USP32: variants seen among roughly 807,000 people sequenced by gnomAD.
USP32 encodes the protein ubiquitin specific peptidase 32, also known as ubiquitin carboxyl-terminal hydrolase 32.
USP32 carries 59 observed loss-of-function variants against 204.8 expected under a neutral mutation model. The observed-to-expected ratio is 0.29, with a 90% CI of 0.23 to 0.36. The LOEUF is 0.36. Among genes scored for constraint, USP32 ranks in the 10% least tolerant of loss-of-function variants. The pLI, the probability that USP32 is intolerant of heterozygous loss-of-function variation, is 1.00. For missense variants in USP32, 1,160 were observed against 1,946.4 expected, an observed-to-expected ratio of 0.60 and a Z score of 7.60; for synonymous variants, 517 against 678.4, an observed-to-expected ratio of 0.76 and a Z score of 3.70.
intron 9 of USP32, among the ~76,000 whole-genome samples, chr17:60,264,524 A>C (rs1016305302): frequency 1.4e-4 from 21 of 148,646 alleles, no homozygotes; most frequent in African/African-American, 5.2e-4. Context: ...CCAAAAAAAC[A>C]AACAGACAAA....
intron 11 of USP32, among the ~76,000 whole-genome samples, chr17:60,243,549 G>C (rs982736781): frequency 6.6e-6 from 1 of 152,168 alleles, no homozygotes; most frequent in Non-Finnish European, 1.5e-5. Flanking sequence ...GAGCATGACT[G>C]TGCTCTAGTA....
At chr17:60,374,468 G>T (rs1214380754) in intron 1 of USP32, among the ~76,000 whole-genome samples, 1 of 151,688 alleles carries the variant, frequency 6.6e-6, no homozygotes, top group African/African-American at 2.4e-5. Flanking sequence ...CGTGATCAAG[G>T]CTCACCCCAG....
chr17:60,310,342 G>T (rs58688614), intron 2 of USP32, among the ~76,000 whole-genome samples: 6,757 of 152,212 alleles, frequency 0.044, 537 homozygotes, highest in African/African-American at 0.15. Context: ...ATTAACCTAA[G>T]TGCCCATCAA....
At chr17:60,412,616 G>A (rs1189952662) in intron 1 of USP32, among the ~76,000 whole-genome samples, 1 of 151,756 alleles carries the variant, frequency 6.6e-6, no homozygotes, top group East Asian at 1.9e-4. Context: ...TGATTTTTCT[G>A]TCTGAAAAAC....
intron 3 of USP32, among the ~76,000 whole-genome samples, chr17:60,299,304 T>C (rs2087514984): frequency 6.6e-6 from 1 of 152,238 alleles, no homozygotes; most frequent in African/African-American, 2.4e-5. Flanking sequence ...TCTAGCAACT[T>C]ATTATAATGA....
intron 2 of USP32, among the ~76,000 whole-genome samples, chr17:60,332,157 C>G (rs886762477): frequency 4.6e-5 from 7 of 152,166 alleles, no homozygotes; most frequent in Non-Finnish European, 1.0e-4. Context: ...ACTCGGGAGG[C>G]TGAGGCACGA....
intron 2 of USP32, among the ~76,000 whole-genome samples, chr17:60,328,910 C>T (rs992490697): frequency 4.0e-5 from 6 of 149,392 alleles, no homozygotes; most frequent in Non-Finnish European, 8.8e-5. Flanking sequence ...CTGTACCCCA[C>T]TCTAGCTCAC....
At chr17:60,295,915 G>C (rs1456535648) in intron 3 of USP32, among the ~76,000 whole-genome samples, 1 of 152,020 alleles carries the variant, frequency 6.6e-6, no homozygotes, top group Non-Finnish European at 1.5e-5. Context: ...GTGCAGATAA[G>C]GGGGGAACTA....
chr17:60,405,022 A>G (rs938870975), intron 1 of USP32, among the ~76,000 whole-genome samples: 6 of 152,106 alleles, frequency 3.9e-5, no homozygotes, highest in Admixed American at 3.9e-4. Flanking sequence ...TACTAAAAAT[A>G]CAAAAATTAG....
At chr17:60,198,138 A>G (rs2084571184) in intron 27 of USP32, 122 bp downstream of exon 27, 2 of 1,282,128 alleles carry the variant, frequency 1.6e-6, no homozygotes, top group Non-Finnish European at 2.1e-6. Context: ...ATGCTGTCTG[A>G]GTGGTTCTTC....
At chr17:60,390,226 G>A (rs2089806722) in intron 1 of USP32, among the ~76,000 whole-genome samples, 1 of 152,136 alleles carries the variant, frequency 6.6e-6, no homozygotes, top group African/African-American at 2.4e-5. Context: ...GATTAAGCAG[G>A]CTAGAGCTGA....
At chr17:60,263,356 T>C (rs188872844) in intron 9 of USP32, among the ~76,000 whole-genome samples, 1 of 152,308 alleles carries the variant, frequency 6.6e-6, no homozygotes, top group East Asian at 1.9e-4. Context: ...TATCATTAAA[T>C]AGTCAACAGA....
intron 2 of USP32, among the ~76,000 whole-genome samples, chr17:60,305,711 G>C (rs1327538833): frequency 1.3e-5 from 2 of 152,102 alleles, no homozygotes; most frequent in Non-Finnish European, 2.9e-5. Context: ...ACTGTATCTT[G>C]ATAATCCAGT....
chr17:60,388,424 G>T (rs1453738668), intron 1 of USP32, among the ~76,000 whole-genome samples: 1 of 152,068 alleles, frequency 6.6e-6, no homozygotes, highest in Non-Finnish European at 1.5e-5. Context: ...AGATGTCTTA[G>T]AGTTCTAAAA....
chr17:60,284,123 A>G (rs1194273974), intron 5 of USP32, among the ~76,000 whole-genome samples: 3 of 151,930 alleles, frequency 2.0e-5, no homozygotes, highest in African/African-American at 7.2e-5. Flanking sequence ...TAAAAAGAAA[A>G]CAATCATTAG....
At chr17:60,359,500 A>T (rs2089157027) in intron 1 of USP32, among the ~76,000 whole-genome samples, 1 of 152,208 alleles carries the variant, frequency 6.6e-6, no homozygotes, top group African/African-American at 2.4e-5. Context: ...TCTGACACAC[A>T]GTAAGAACTC....
intron 10 of USP32, among the ~76,000 whole-genome samples, chr17:60,254,021 C>A (rs2086233738): frequency 6.6e-6 from 1 of 152,002 alleles, no homozygotes; most frequent in African/African-American, 2.4e-5. Flanking sequence ...CCATTTATTC[C>A]AACACAGACG....
At chr17:60,274,338 A>G (rs1296268214) in intron 5 of USP32, among the ~76,000 whole-genome samples, 1 of 152,186 alleles carries the variant, frequency 6.6e-6, no homozygotes, top group Admixed American at 6.5e-5. Context: ...CATACATACA[A>G]TTGGGATCCC....
chr17:60,292,094 A>G (rs2087293666), intron 4 of USP32, among the ~76,000 whole-genome samples: 1 of 152,068 alleles, frequency 6.6e-6, no homozygotes, highest in African/African-American at 2.4e-5. Flanking sequence ...TAGACCTTCC[A>G]GGGTATTTGA....
Sources: allele counts gnomAD v4.1 joint callset (sites outside exome capture counted in the v4.1 genomes callset), GRCh38; gene constraint gnomAD v4.1.1; transcripts MANE v1.5; gene names NCBI Gene and HGNC (gene_info 2026-07-23, HGNC 2026-07-21).